Variants in GPBP1 observed in about 807,000 individuals in gnomAD.
GPBP1 encodes GC-rich promoter binding protein 1, also known as vasculin.
Under a neutral mutation model 56.5 loss-of-function variants are expected in GPBP1, and 13 were observed. The ratio of observed to expected loss-of-function variants is 0.23; its 90% confidence interval spans 0.15 to 0.37. GPBP1 has a LOEUF of 0.37. GPBP1 is among the 10% of genes least tolerant of loss of function. GPBP1 has a pLI of 1.00. For synonymous variants in GPBP1, 204 were observed against 188.9 expected (o/e 1.08, Z -0.66); for missense variants, 477 against 572.3 (o/e 0.83, Z 1.70).
chr5:57,234,116 C>T (rs1239421906), intron 5 of GPBP1, among the ~76,000 whole-genome samples: 1 of 152,056 alleles, frequency 6.6e-6, no homozygotes, highest in Non-Finnish European at 1.5e-5. Context: ...TGGTGGTATG[C>T]ATGTATATTT....
intron 6 of GPBP1, chr5:57,237,240 AG>A (rs1250677343): frequency 9.6e-7 from 1 of 1,037,262 alleles, no homozygotes; most frequent in Non-Finnish European, 1.5e-6. Flanking sequence ...ACCACCTGGA[AG>A]GTGTTAAATA....
rs773339461 is a variant in GPBP1 at position 57,246,359 on chromosome 5, A to G, written c.538A>G (p.Thr180Ala). The G allele has an allele frequency of 2.5e-6, 4 of 1,613,748 alleles. No homozygotes were observed. In the Admixed American group the frequency reaches 6.7e-5, roughly 27 times the overall value. The change falls in exon 7 of 12, where the codon ACA becomes GCA. Residue 180 changes from threonine to alanine, a missense_variant. Around this residue, in one of 2 missense-constraint regions of GPBP1, gnomAD observed 414 missense variants for 458.2 expected, o/e 0.90. Transcript: ENST00000506184. ...PRMLVIKKGN[T>A]KDLQLSGFPV... ...GATGCTGGTCATTAAGAAAGGTAAT[A>G]CAAAAGACTTACAGCTATCTGGATT...
Position 57,214,198 on chromosome 5 carries a change from T to C in GPBP1, c.63+5T>C. ...ACTCCACCATCATCAACAAAGGTACTCTTTCTGCATCTTTCTTTCTGTCTG... is the reference window on the plus strand; with the variant it reads ...ACTCCACCATCATCAACAAAGGTACCCTTTCTGCATCTTTCTTTCTGTCTG... On this transcript the variant is annotated splice_donor_5th_base_variant and intron_variant, in intron 3 of 11. Transcript: ENST00000506184. 2 of 1,596,486 alleles carry C rather than the reference T, an allele frequency of 1.3e-6. No homozygotes were observed. The highest frequency in any genetic ancestry group is 1.7e-6 in the Non-Finnish European group (2 of 1,163,906).
chr5:57,246,863 C>T (rs1741113406), intron 7 of GPBP1, among the ~76,000 whole-genome samples: 1 of 152,056 alleles, frequency 6.6e-6, no homozygotes, highest in Non-Finnish European at 1.5e-5. Flanking sequence ...GGAAAAATAG[C>T]AATTTAGTTA....
intron 6 of GPBP1, among the ~76,000 whole-genome samples, chr5:57,242,848 C>T (rs1217673741): frequency 6.6e-6 from 1 of 151,806 alleles, no homozygotes; most frequent in African/African-American, 2.4e-5. Context: ...CTCCCGGGTT[C>T]AAGTGATTCT....
At chr5:57,232,351 A>G (rs187487704) in intron 5 of GPBP1, among the ~76,000 whole-genome samples, 36 of 152,350 alleles carry the variant, frequency 2.4e-4, no homozygotes, top group Admixed American at 1.6e-3. Context: ...TAGAAGCAGT[A>G]TTTATTCAAA....
Position 57,218,079 on chromosome 5 carries a change from A to T in GPBP1, c.63+3886A>T, listed in dbSNP as rs2111784102. Among the ~76,000 whole-genome samples, 3 of 152,278 alleles carry T rather than the reference A, an allele frequency of 2.0e-5. No homozygotes were observed. In the Middle Eastern group the frequency reaches 0.01, roughly 518 times the overall value. On this transcript the variant is annotated intron_variant, in intron 3 of 11. Transcript: ENST00000506184. ...CTGTGTAAAAGAAAAAAAAACAAAAAAACCCCACTTTTTTTCCTCTCTACT... is the reference window on the plus strand; with the variant it reads ...CTGTGTAAAAGAAAAAAAAACAAAATAACCCCACTTTTTTTCCTCTCTACT...
intron 3 of GPBP1, among the ~76,000 whole-genome samples, chr5:57,220,252 A>G (rs1755897468): frequency 1.3e-5 from 2 of 151,768 alleles, no homozygotes; most frequent in Non-Finnish European, 2.9e-5. Flanking sequence ...GGCCTCCCAA[A>G]GTGTGATTAC....
chr5:57,228,315 TGTG>T (rs1224477589), intron 3 of GPBP1, among the ~76,000 whole-genome samples: 1 of 152,006 alleles, frequency 6.6e-6, no homozygotes, highest in Non-Finnish European at 1.5e-5. Context: ...ATTAGCCAGG[TGTG>T]GTGGTGGCCA....
intron 3 of GPBP1, among the ~76,000 whole-genome samples, chr5:57,220,182 G>T (rs1414322804): frequency 1.3e-5 from 2 of 151,892 alleles, no homozygotes; most frequent in Non-Finnish European, 2.9e-5. Context: ...TAGAGACAGG[G>T]TCTCACTATC....
rs1445641562 is a variant in GPBP1 at position 57,262,786 on chromosome 5, GA to G, written c.*35del. 2 of 1,578,400 alleles carry G rather than the reference GA, an allele frequency of 1.3e-6. No individual in the cohort carries two copies. Among genetic ancestry groups the G allele is most frequent in the Non-Finnish European group, 1.7e-6 (2 of 1,149,614 alleles). On this transcript the variant is annotated 3_prime_UTR_variant, in exon 12 of 12. Transcript: ENST00000506184. Reference sequence around the variant, plus strand: ...CTAACAGCTTTAGAAATCTTAGTGTGATACATCTCTCATACAGTTTGGGGTG... The same window carrying G: ...CTAACAGCTTTAGAAATCTTAGTGTGTACATCTCTCATACAGTTTGGGGTG...
chr5:57,188,330 G>A (rs1296275664), intron 2 of GPBP1, among the ~76,000 whole-genome samples: 1 of 151,982 alleles, frequency 6.6e-6, no homozygotes, highest in African/African-American at 2.4e-5. Context: ...AGCTTTAAAA[G>A]GTATATTTAT....
intron 3 of GPBP1, among the ~76,000 whole-genome samples, chr5:57,222,422 G>A (rs964006280): frequency 2.0e-5 from 3 of 151,994 alleles, no homozygotes; most frequent in African/African-American, 4.8e-5. Flanking sequence ...TTGATTATTA[G>A]GATAGTAGAC....
At chr5:57,181,607 G>T (rs1239936127) in intron 2 of GPBP1, among the ~76,000 whole-genome samples, 2 of 151,436 alleles carry the variant, frequency 1.3e-5, no homozygotes, top group Non-Finnish European at 2.9e-5. Flanking sequence ...AAAAAGGTGG[G>T]GGGGCGGTGC....
intron 2 of GPBP1, among the ~76,000 whole-genome samples, chr5:57,205,901 A>T (rs1755212610): frequency 6.6e-6 from 1 of 152,034 alleles, no homozygotes; most frequent in Admixed American, 6.5e-5. Context: ...GTGGCTGGGA[A>T]TACAGGTGTG....
At chr5:57,188,792 CT>C (rs1754398676) in intron 2 of GPBP1, among the ~76,000 whole-genome samples, 1 of 152,082 alleles carries the variant, frequency 6.6e-6, no homozygotes, top group South Asian at 2.1e-4. Flanking sequence ...CCCATACTCT[CT>C]CTATTCTTTC....
chr5:57,179,381 C>T (rs1416834442), intron 2 of GPBP1, among the ~76,000 whole-genome samples: 1 of 151,984 alleles, frequency 6.6e-6, no homozygotes, highest in African/African-American at 2.4e-5. Context: ...CAGGGTCTCG[C>T]TCTCTCACCC....
chr5:57,179,042 G>T (rs1249836981), intron 2 of GPBP1, among the ~76,000 whole-genome samples: 2 of 152,062 alleles, frequency 1.3e-5, no homozygotes, highest in South Asian at 4.1e-4. Flanking sequence ...TAGGATTTAG[G>T]GGGGCTGAGA....
chr5:57,220,990 CATTA>C (rs924171151), intron 3 of GPBP1, among the ~76,000 whole-genome samples: 3 of 152,200 alleles, frequency 2.0e-5, no homozygotes, highest in African/African-American at 7.2e-5. Context: ...TTGGAACAGA[CATTA>C]ATTAGTATTG....
Sources: allele counts gnomAD v4.1 joint callset (sites outside exome capture counted in the v4.1 genomes callset), GRCh38; gene constraint gnomAD v4.1.1; regional missense constraint gnomAD v4.1.1; transcripts MANE v1.5; gene names NCBI Gene and HGNC (gene_info 2026-07-23, HGNC 2026-07-21).